The following TESMIN variants were observed in gnomAD, a reference collection of about 807,000 sequenced individuals.
TESMIN encodes the protein testis expressed metallothionein like protein, also known as CXC domain containing 2.
A neutral mutation model predicts 47.4 loss-of-function variants in TESMIN; 34 were observed. That is an observed-to-expected ratio of 0.72 (90% CI 0.55 to 0.96). The LOEUF is 0.96. Ranked by LOEUF, TESMIN falls within the 40% of genes least tolerant of loss-of-function variation. TESMIN has a pLI of 0.00. For synonymous variants in TESMIN, 278 were observed against 258.9 expected, an observed-to-expected ratio of 1.07 and a Z score of -0.71; for missense variants, 610 against 637.2, an observed-to-expected ratio of 0.96 and a Z score of 0.46.
At chr11:68,721,815 AG>A (rs762492935) in intron 6 of TESMIN, among the ~76,000 whole-genome samples, 12 of 152,242 alleles carry the variant, frequency 7.9e-5, no homozygotes, top group Admixed American at 5.9e-4. Context: ...AACATAAATC[AG>A]GCAAAAATAA....
At position 68,715,917 on chromosome 11, in the gene TESMIN, C is replaced by T. The variant is rs1474320515; in HGVS notation, c.940G>A (p.Gly314Arg). 6.2e-7 allele frequency: 1 copy of T among 1,612,720 alleles called. No homozygotes were observed. Among genetic ancestry groups the T allele is most frequent in the Admixed American group, 1.7e-5 (1 of 60,022 alleles). Residue 314 changes from glycine to arginine, a missense_variant, in exon 7 of 10, where the codon GGG becomes AGG. Coordinates refer to ENST00000255087, the MANE Select transcript of TESMIN (RefSeq NM_004923.3). ...CAATTGCAGTTGTTGCAAAAGTCCC[C>T]ACTGGCAAAGCAGTCACAGTACCTG... The part of the protein sequence containing the change: ...LAGYCDCFAS[G>R]DFCNNCNCNN...
chr11:68,734,654 G>A (rs1946366622), intron 6 of TESMIN, among the ~76,000 whole-genome samples: 1 of 152,214 alleles, frequency 6.6e-6, no homozygotes, highest in South Asian at 2.1e-4. Flanking sequence ...GCAACGCACT[G>A]GCCACTTCTG....
At chr11:68,741,565 G>A (rs912611908) in intron 5 of TESMIN, among the ~76,000 whole-genome samples, 2 of 152,210 alleles carry the variant, frequency 1.3e-5, no homozygotes, top group Admixed American at 6.5e-5. Context: ...CAGGAGGGCG[G>A]AGTTGTGTGT....
At chr11:68,743,660 T>C (rs1946485938) in intron 4 of TESMIN, among the ~76,000 whole-genome samples, 1 of 152,180 alleles carries the variant, frequency 6.6e-6, no homozygotes, top group South Asian at 2.1e-4. Context: ...TGATAGGTAC[T>C]TATTTGGTCT....
At chr11:68,730,944 C>G (rs1324746319) in intron 6 of TESMIN, among the ~76,000 whole-genome samples, 1 of 152,154 alleles carries the variant, frequency 6.6e-6, no homozygotes. Flanking sequence ...TTTATGGCTA[C>G]TGAAACAATA....
At chr11:68,728,938 GCCCCCCAAGAGC>G (rs1946296303) in intron 6 of TESMIN, among the ~76,000 whole-genome samples, 2 of 152,176 alleles carry the variant, frequency 1.3e-5, no homozygotes, top group South Asian at 4.2e-4. Flanking sequence ...CAGGTACCTG[GCCCCCCAAGAGC>G]TCTGATGGAG....
In TESMIN at chr11:68,710,947, TCTG is replaced by T. The variant is rs1274515970; in HGVS notation, c.1258_1260del (p.Gln420del). ...TAATGGCTGCCTTCCAAACCTCCAG[TCTG>T]CATGTAGTTTGGCATGCTCATTAGT... On this transcript the variant is annotated inframe_deletion, in exon 9 of 10. Coordinates refer to ENST00000255087, the MANE Select transcript of TESMIN (RefSeq NM_004923.3). 5 of 1,613,960 alleles carry T rather than the reference TCTG, an allele frequency of 3.1e-6. No individual in the cohort carries two copies. Among genetic ancestry groups the T allele is most frequent in the African/African-American group, 1.3e-5 (1 of 74,926 alleles).
At chr11:68,713,135 CCTT>C in intron 8 of TESMIN, 132 bp downstream of exon 8, 1 of 876,886 alleles carries the variant, frequency 1.1e-6, no homozygotes, top group Non-Finnish European at 1.6e-6. Context: ...ATGTAAGTGT[CCTT>C]CTAGAAACTC....
At chr11:68,744,716 G>A (rs1459524565) in intron 4 of TESMIN, among the ~76,000 whole-genome samples, 1 of 152,092 alleles carries the variant, frequency 6.6e-6, no homozygotes, top group African/African-American at 2.4e-5. Flanking sequence ...ATGCAGTGTC[G>A]GTCTGAGTCA....
At chr11:68,738,556 A>T in intron 6 of TESMIN, 144 bp downstream of exon 6, 1 of 1,442,674 alleles carries the variant, frequency 6.9e-7, no homozygotes, top group East Asian at 2.5e-5. Flanking sequence ...CGTTAGTGGC[A>T]TTGCTGATGG....
intron 6 of TESMIN, among the ~76,000 whole-genome samples, chr11:68,728,082 TAAC>T (rs1342967250): frequency 6.6e-6 from 1 of 152,194 alleles, no homozygotes; most frequent in African/African-American, 2.4e-5. Flanking sequence ...TTAGGCCAGT[TAAC>T]AACTCTACAA....
intron 6 of TESMIN, chr11:68,737,207 T>C (rs1946397302): frequency 3.0e-6 from 3 of 985,394 alleles, no homozygotes; most frequent in South Asian, 4.7e-5. Context: ...ATTACAATCA[T>C]AGCAACTGCA....
At chr11:68,727,430 A>C (rs1459715500) in intron 6 of TESMIN, among the ~76,000 whole-genome samples, 1 of 152,230 alleles carries the variant, frequency 6.6e-6, no homozygotes. Flanking sequence ...ACAGAGCCAG[A>C]CTTTGTGTCA....
intron 2 of TESMIN, among the ~76,000 whole-genome samples, chr11:68,748,618 T>A (rs1946550447): frequency 6.6e-6 from 1 of 152,226 alleles, no homozygotes; most frequent in African/African-American, 2.4e-5. Context: ...AAGAAGGAAA[T>A]TAGCAACTGA....
In TESMIN at chr11:68,708,322, A is replaced by G; in HGVS notation, c.1513T>C (p.Leu505=). 2 of 1,603,456 alleles carry G rather than the reference A, an allele frequency of 1.2e-6. No individual in the cohort carries two copies. Among genetic ancestry groups the G allele is most frequent in the Admixed American group, 1.7e-5 (1 of 57,804 alleles). The change falls in exon 10 of 10, where the codon TTG becomes CTG. Residue 505 remains leucine, a synonymous_variant. Transcript: ENST00000255087. ...CACTTTATACTCTACTCCATTTTCA[A>G]TCCCTTAGATTTAAACTCAGTGTGG... ...ILHTEFKSKG[L]KME
chr11:68,713,337 G>GCTTGACATT lies in TESMIN; in HGVS notation c.1090_1091insAATGTCAAG (p.Pro364delinsGlnCysGlnAla). The GCTTGACATT allele has an allele frequency of 1.2e-6, 2 of 1,614,092 alleles. No individual in the cohort carries two copies. The highest frequency in any genetic ancestry group is 1.7e-6 in the Non-Finnish European group (2 of 1,180,006). On this transcript the variant is annotated protein_altering_variant, in exon 8 of 10. Transcript: ENST00000255087. ...GCAGTTGCACCCTTTGTTGTGCTGG[G>GCTTGACATT]GCTTGACATTGCCCAATTGGCCCTT...
chr11:68,743,038 T>C (rs558492580), intron 4 of TESMIN, among the ~76,000 whole-genome samples: 348 of 152,002 alleles, frequency 2.3e-3, no homozygotes, highest in African/African-American at 8.0e-3. Context: ...CCACCATGCC[T>C]GGCTAATGTT....
chr11:68,706,101 TG>T (rs1359375157), downstream of TESMIN, among the ~76,000 whole-genome samples: 9 of 152,118 alleles, frequency 5.9e-5, no homozygotes, highest in Admixed American at 5.9e-4. Context: ...TATGTTAATT[TG>T]TATATCGTTT....
chr11:68,709,547 C>T (rs1946038186), intron 9 of TESMIN, among the ~76,000 whole-genome samples: 1 of 152,236 alleles, frequency 6.6e-6, no homozygotes. Flanking sequence ...GCAACTGTGG[C>T]TTAGCTAGAT....
Sources: allele counts gnomAD v4.1 joint callset (sites outside exome capture counted in the v4.1 genomes callset), GRCh38; gene constraint gnomAD v4.1.1; transcripts MANE v1.5; gene names NCBI Gene and HGNC (gene_info 2026-07-23, HGNC 2026-07-21).